RAPGEF4: variants seen among roughly 807,000 people sequenced by gnomAD.
The protein encoded by RAPGEF4 is RAP guanine-nucleotide-exchange factor (GEF) 4.
RAPGEF4 carries 66 observed loss-of-function variants against 147.9 expected under a neutral mutation model. The ratio of observed to expected loss-of-function variants is 0.45; its 90% confidence interval spans 0.37 to 0.55. The LOEUF is 0.55. RAPGEF4 is among the 20% of genes least tolerant of loss of function. The pLI is 0.00. For missense variants in RAPGEF4, 1,071 were observed against 1,257.3 expected, an observed-to-expected ratio of 0.85 and a Z score of 2.24; for synonymous variants, 419 against 442.7, an observed-to-expected ratio of 0.95 and a Z score of 0.67.
rs538781046 is a variant in RAPGEF4 at position 172,841,673 on chromosome 2, T to C, written c.444+27248T>C. On this transcript the variant is annotated intron_variant, in intron 4 of 30. Coordinates refer to ENST00000397081, the MANE Select transcript of RAPGEF4 (RefSeq NM_007023.4). ...TATATTCTCATTACACTTGAGTAAT[T>C]ACAAGATTATAGAATGTGGATGGTT... Among the ~76,000 whole-genome samples, 4 of 152,250 alleles carry C rather than the reference T, an allele frequency of 2.6e-5. No individual in the cohort carries two copies. In the South Asian group the frequency reaches 8.3e-4, roughly 32 times the overall value.
chr2:172,758,197 C>T (rs1430698596), intron 1 of RAPGEF4, among the ~76,000 whole-genome samples: 1 of 152,044 alleles, frequency 6.6e-6, no homozygotes, highest in African/African-American at 2.4e-5. Context: ...TGGGAACAAC[C>T]AGTGCAAAGG....
chr2:172,961,243 T>G lies in RAPGEF4; in HGVS notation c.698+15T>G. The G allele has an allele frequency of 6.5e-7, 1 of 1,533,110 alleles. No homozygotes were observed. Among genetic ancestry groups the G allele is most frequent in the Non-Finnish European group, 9.0e-7 (1 of 1,106,778 alleles). 95.0% of individuals were successfully genotyped at this position (1,533,110 alleles called of 1,614,324 possible). A position where few individuals can be genotyped will look rare whatever the true frequency, so the allele number is the denominator to read the frequency against. ...AAGACATACAGGTATGTGTGCTAAT[T>G]CTAAAGGCTGTGCCCCGCTCATATT... is the stretch of plus-strand genomic sequence containing the variant. On this transcript the variant is annotated intron_variant, in intron 8 of 30. Transcript: ENST00000397081.
chr2:172,907,815 C>A (rs886261971), intron 4 of RAPGEF4, among the ~76,000 whole-genome samples: 1 of 152,054 alleles, frequency 6.6e-6, no homozygotes, highest in Admixed American at 6.5e-5. Flanking sequence ...GTTACAACTA[C>A]CATTATTATT....
At chr2:172,885,973 C>G (rs1446713040) in intron 4 of RAPGEF4, among the ~76,000 whole-genome samples, 1 of 152,164 alleles carries the variant, frequency 6.6e-6, no homozygotes, top group Non-Finnish European at 1.5e-5. Context: ...TGTCTGAGAC[C>G]AGTGCAGCCA....
intron 17 of RAPGEF4, among the ~76,000 whole-genome samples, chr2:173,012,724 G>A (rs1445971738): frequency 6.6e-6 from 1 of 152,182 alleles, no homozygotes; most frequent in South Asian, 2.1e-4. Context: ...ATATCACATA[G>A]CTAAATGGTG....
chr2:172,875,208 C>T (rs184615642), intron 4 of RAPGEF4, among the ~76,000 whole-genome samples: 4 of 152,042 alleles, frequency 2.6e-5, no homozygotes, highest in South Asian at 2.1e-4. Context: ...GCCTGTTGAC[C>T]CTGATGGTAG....
At chr2:172,983,427 C>G in intron 10 of RAPGEF4, 69 bp from the exon 11 acceptor site, 2 of 1,552,150 alleles carry the variant, frequency 1.3e-6, no homozygotes, top group Non-Finnish European at 1.7e-6. Context: ...ATGCCTGGAT[C>G]CGTTTCCATG....
chr2:172,957,965 C>T (rs1688911511), intron 6 of RAPGEF4, among the ~76,000 whole-genome samples: 1 of 152,206 alleles, frequency 6.6e-6, no homozygotes, highest in South Asian at 2.1e-4. Flanking sequence ...GCCTAGAGAC[C>T]ACTTGTTAGC....
chr2:172,793,084 T>C (rs1484547689), intron 1 of RAPGEF4, among the ~76,000 whole-genome samples: 1 of 152,218 alleles, frequency 6.6e-6, no homozygotes, highest in Admixed American at 6.5e-5. Flanking sequence ...CTTGTCTCTT[T>C]CTAGCTTTTG....
intron 10 of RAPGEF4, among the ~76,000 whole-genome samples, chr2:172,979,266 C>G (rs1691421212): frequency 6.6e-6 from 1 of 152,198 alleles, no homozygotes. Context: ...AAGGACACAT[C>G]TCCCTCAGGA....
intron 4 of RAPGEF4, among the ~76,000 whole-genome samples, chr2:172,917,215 A>T (rs912426868): frequency 2.1e-4 from 32 of 152,232 alleles, no homozygotes; most frequent in Admixed American, 8.5e-4. Context: ...GGGGAATCCA[A>T]ATAGTTCTAA....
intron 6 of RAPGEF4, among the ~76,000 whole-genome samples, chr2:172,950,837 T>C (rs1170077654): frequency 6.6e-6 from 1 of 152,256 alleles, no homozygotes; most frequent in East Asian, 1.9e-4. Context: ...GATGACCTTA[T>C]GATTATATTG....
intron 1 of RAPGEF4, among the ~76,000 whole-genome samples, chr2:172,788,824 G>T (rs186533285): frequency 7.9e-5 from 12 of 152,234 alleles, no homozygotes; most frequent in Admixed American, 5.9e-4. Flanking sequence ...AACCCAGGGG[G>T]TCGAGGCTTC....
Position 172,902,150 on chromosome 2 carries a change from G to T in RAPGEF4, c.445-15652G>T, listed in dbSNP as rs370527748. ...GAAGGACCTGAAAGAGGGCAGAGTG[G>T]CTGGAAAGGAATGAATAGGGGAGGC... On this transcript the variant is annotated intron_variant, in intron 4 of 30. Coordinates refer to ENST00000397081, the MANE Select transcript of RAPGEF4 (RefSeq NM_007023.4). Among the ~76,000 whole-genome samples the T allele has an allele frequency of 1.3e-5, 2 of 152,254 alleles. 1 individual carries two copies. Among genetic ancestry groups the T allele is most frequent in the African/African-American group, 4.8e-5 (2 of 41,560 alleles).
chr2:172,836,273 T>C (rs929808925), intron 4 of RAPGEF4, among the ~76,000 whole-genome samples: 25 of 152,204 alleles, frequency 1.6e-4, no homozygotes, highest in African/African-American at 6.0e-4. Flanking sequence ...CACACCCTCT[T>C]CTGCCTCCAC....
intron 1 of RAPGEF4, among the ~76,000 whole-genome samples, chr2:172,745,960 T>C (rs1286702422): frequency 6.6e-6 from 1 of 152,224 alleles, no homozygotes; most frequent in Non-Finnish European, 1.5e-5. Context: ...GGGGCCAATA[T>C]AATATACAGT....
rs116318207 is a variant in RAPGEF4 at position 172,917,956 on chromosome 2, A to C, written c.517+82A>C. The stretch of plus-strand genomic sequence containing the variant: ...TCATGTGACAAAAAATATGTCCTAC[A>C]CCAGCTTGTCAGAGTAAGTCTCCAG... On this transcript the variant is annotated intron_variant, in intron 5 of 30. Transcript: ENST00000397081. The C allele has an allele frequency of 9.7e-4, 1,129 of 1,168,528 alleles. 7 individuals carry two copies. In the African/African-American group the frequency reaches 0.015, roughly 16 times the overall value. 72.4% of individuals were successfully genotyped at this position (1,168,528 alleles called of 1,614,324 possible).
intron 8 of RAPGEF4, among the ~76,000 whole-genome samples, chr2:172,963,971 T>C (rs1689564933): frequency 6.6e-6 from 1 of 152,232 alleles, no homozygotes; most frequent in South Asian, 2.1e-4. Flanking sequence ...ACTGCAAGAT[T>C]CTTAAACCCT....
At chr2:172,920,969 T>G (rs1684690227) in intron 5 of RAPGEF4, among the ~76,000 whole-genome samples, 1 of 152,044 alleles carries the variant, frequency 6.6e-6, no homozygotes, top group Admixed American at 6.6e-5. Context: ...TCTGACTGCG[T>G]TTTTATGTCT....
Sources: gnomAD v4.1 joint callset for allele counts (sites outside exome capture counted in the v4.1 genomes callset) on GRCh38, gnomAD v4.1.1 for gene constraint, MANE v1.5 for transcripts, NCBI Gene and HGNC (gene_info 2026-07-23, HGNC 2026-07-21) for gene names.